Variants in RFTN1 observed in about 807,000 individuals in gnomAD.
RFTN1 encodes raftlin, lipid raft linker 1.
In RFTN1, 26 loss-of-function variants were observed where a neutral mutation model predicts 46.5. The ratio of observed to expected loss-of-function variants is 0.56; its 90% CI spans 0.41 to 0.78. The LOEUF (loss-of-function observed/expected upper bound fraction) is 0.78, where lower values mean the gene tolerates loss of function less well. Among genes scored for constraint, RFTN1 ranks in the 30% least tolerant of loss-of-function variants. The pLI, the probability that RFTN1 is intolerant of heterozygous loss-of-function variation, is 0.00. For synonymous variants in RFTN1, 261 were observed against 284.2 expected (o/e 0.92, Z 0.82); for missense variants, 693 against 718.7 (o/e 0.96, Z 0.41).
chr3:16,354,171 A>G (rs910650000), intron 7 of RFTN1, among the ~76,000 whole-genome samples: 1 of 152,196 alleles, frequency 6.6e-6, no homozygotes, highest in African/African-American at 2.4e-5. Flanking sequence ...CGGAGGGAGG[A>G]AAGTGGACAA....
rs552544000 is a variant in RFTN1, at chr3:16,474,932, T to C, written c.145+18793A>G. Among the ~76,000 whole-genome samples the C allele has an allele frequency of 3.9e-5, 6 of 152,332 alleles. No individual in the cohort carries two copies. Among genetic ancestry groups the C allele is most frequent in the East Asian group, 1.9e-4 (1 of 5,188 alleles). ...AAACCTAGTGATATGGTTTGGATAT[T>C]TGTCCCCTCCAAATCTCATATTGAT... On this transcript the variant is annotated intron_variant, in intron 2 of 9. Coordinates refer to ENST00000334133, the MANE Select transcript of RFTN1 (RefSeq NM_015150.2). This position sits in a 1 kb window ranked among gnomAD's most constrained non-coding sequence, Gnocchi z 5.5.
rs1284757638 is a variant in RFTN1 at position 16,336,828 on chromosome 3, CAGT to C, written c.1147-9955_1147-9953del. 6.6e-6 allele frequency among the ~76,000 whole-genome samples: 1 copy of C among 152,168 alleles called. No homozygotes were observed. The highest frequency in any genetic ancestry group is 1.5e-5 in the Non-Finnish European group (1 of 68,030). ...TACCAGGTAAGAAAGGCAGCAAACT[CAGT>C]AGCCTTTTAGGAGCTCAACGAAATA... On this transcript the variant is annotated intron_variant, in intron 7 of 9. Transcript: ENST00000334133. This position sits in a 1 kb window ranked among gnomAD's most constrained non-coding sequence, Gnocchi z 6.0.
In RFTN1 at chr3:16,448,049, T is replaced by A. The variant is rs540840584; in HGVS notation, c.146-14012A>T. 2.1e-4 allele frequency among the ~76,000 whole-genome samples: 32 copies of A among 151,990 alleles called. No homozygotes were observed. Among genetic ancestry groups the A allele is most frequent in the South Asian group, 6.3e-4 (3 of 4,792 alleles). ...ACCAGCCACATGTGGCTATCGAGCA[T>A]CTGAAATGTGGCCAGTGTGATTGAG... On this transcript the variant is annotated intron_variant, in intron 2 of 9. Transcript: ENST00000334133. The surrounding 1 kb of genome is among the most constrained non-coding windows in gnomAD (Gnocchi z 4.1).
At position 16,422,171 on chromosome 3, in the gene RFTN1, T is replaced by A. The variant is rs1327183626; in HGVS notation, c.332+11680A>T. On this transcript the variant is annotated intron_variant, in intron 3 of 9. Coordinates refer to ENST00000334133, the MANE Select transcript of RFTN1 (RefSeq NM_015150.2). The surrounding 1 kb of genome is among the most constrained non-coding windows in gnomAD (Gnocchi z 4.6). ...GCTCTCAAATAAAATTTACCTCCAA[T>A]AATAATATTGAACATTATGTTCTTG... 6.6e-6 allele frequency among the ~76,000 whole-genome samples: 1 copy of A among 152,228 alleles called. No homozygotes were observed. Among genetic ancestry groups the A allele is most frequent in the Non-Finnish European group, 1.5e-5 (1 of 68,036 alleles).
At position 16,345,699 on chromosome 3, in the gene RFTN1, G is replaced by A. The variant is rs2071609192; in HGVS notation, c.1146+12233C>T. ...TCTCAGGCCTCTGAACCATACCACT[G>A]GCTTTCCTGGGTCTCCAGCTTGCAG... On this transcript the variant is annotated intron_variant, in intron 7 of 9. Transcript: ENST00000334133. This position sits in a 1 kb window ranked among gnomAD's most constrained non-coding sequence, Gnocchi z 5.2. 1.3e-5 allele frequency among the ~76,000 whole-genome samples: 2 copies of A among 151,984 alleles called. No homozygotes were observed. Among genetic ancestry groups the A allele is most frequent in the African/African-American group, 4.8e-5 (2 of 41,342 alleles).
chr3:16,486,700 A>G (rs1050283679), intron 2 of RFTN1, among the ~76,000 whole-genome samples: 1 of 152,194 alleles, frequency 6.6e-6, no homozygotes, highest in Non-Finnish European at 1.5e-5. Flanking sequence ...ATCAGTCTCC[A>G]TTACTCTAGC....
rs765619275 is a variant in RFTN1, at chr3:16,345,788, C to CTGTCTGTGTGTGTGTGTGTGTGTG, written c.1146+12143_1146+12144insCACACACACACACACACACAGACA. Among the ~76,000 whole-genome samples the CTGTCTGTGTGTGTGTGTGTGTGTG allele has an allele frequency of 2.4e-5, 3 of 127,170 alleles. No individual in the cohort carries two copies. Among genetic ancestry groups the CTGTCTGTGTGTGTGTGTGTGTGTG allele is most frequent in the Non-Finnish European group, 3.4e-5 (2 of 58,642 alleles). The allele number at this position is 127,170 out of a possible 152,430, so 83.4% of individuals were successfully genotyped here. On this transcript the variant is annotated intron_variant, in intron 7 of 9. Transcript: ENST00000334133. The surrounding 1 kb of genome is among the most constrained non-coding windows in gnomAD (Gnocchi z 5.2). Reference sequence around the variant, plus strand: ...TGAGCCAAAACCTTATAATAAATCTCTGTGTGTGTGTGTGTGTGTGTGTGT... The same window carrying CTGTCTGTGTGTGTGTGTGTGTGTG: ...TGAGCCAAAACCTTATAATAAATCTCTGTCTGTGTGTGTGTGTGTGTGTGTGTGTGTGTGTGTGTGTGTGTGTGT...
In RFTN1 at chr3:16,509,129, A is replaced by T. The variant is rs1399121387; in HGVS notation, c.-9+4313T>A. Among the ~76,000 whole-genome samples the T allele has an allele frequency of 2.6e-5, 4 of 152,264 alleles. No homozygotes were observed. The highest frequency in any genetic ancestry group is 2.6e-4 in the Admixed American group (4 of 15,290). On this transcript the variant is annotated intron_variant, in intron 1 of 9. Coordinates refer to ENST00000334133, the MANE Select transcript of RFTN1 (RefSeq NM_015150.2). This position sits in a 1 kb window ranked among gnomAD's most constrained non-coding sequence, Gnocchi z 4.9. ...TAATCAACCAATAATATTTTAAATT[A>T]TCATCAAAATTAGTATAAGCCCCTG... is the stretch of plus-strand genomic sequence containing the variant.
At chr3:16,388,059 T>C (rs898796147) in intron 4 of RFTN1, among the ~76,000 whole-genome samples, 1 of 152,234 alleles carries the variant, frequency 6.6e-6, no homozygotes, top group Non-Finnish European at 1.5e-5. Context: ...TTCCCAACCC[T>C]TGCCCTGCCC....
intron 7 of RFTN1, among the ~76,000 whole-genome samples, chr3:16,343,644 A>C (rs991623285): frequency 2.2e-4 from 34 of 152,258 alleles, no homozygotes; most frequent in African/African-American, 8.2e-4. Context: ...ATGTGTTTTC[A>C]TAAATTTGGT....
In RFTN1 at chr3:16,334,187, A is replaced by G. The variant is rs185762482; in HGVS notation, c.1147-7311T>C. ...CTCAAAACAAAAACAAAAACAAAAA[A>G]CAACAACAAAAAATACCCTGAGATA... is the stretch of plus-strand genomic sequence containing the variant. On this transcript the variant is annotated intron_variant, in intron 7 of 9. Coordinates refer to ENST00000334133, the MANE Select transcript of RFTN1 (RefSeq NM_015150.2). The surrounding 1 kb of genome is among the most constrained non-coding windows in gnomAD (Gnocchi z 4.3). 1.1e-3 allele frequency among the ~76,000 whole-genome samples: 162 copies of G among 152,196 alleles called. 4 individuals are homozygous for G. The highest frequency in any genetic ancestry group is 0.011 in the Admixed American group (162 of 15,290).
chr3:16,482,482 C>T (rs1381344548), intron 2 of RFTN1, among the ~76,000 whole-genome samples: 3 of 152,120 alleles, frequency 2.0e-5, no homozygotes, highest in Non-Finnish European at 4.4e-5. Context: ...CACAGCCAAC[C>T]AAATCTCAAA....
At chr3:16,423,651 A>G (rs1431715670) in intron 3 of RFTN1, among the ~76,000 whole-genome samples, 1 of 152,206 alleles carries the variant, frequency 6.6e-6, no homozygotes, top group Admixed American at 6.5e-5. Flanking sequence ...AATAAATGGT[A>G]GCTATGATGG....
rs975512514 is a variant in RFTN1 at position 16,443,140 on chromosome 3, A to C, written c.146-9103T>G. ...TATTTCTATTTTTAATTTTTGATGA[A>C]CCTCCATATTGTTTTCTATAATGGC... is the stretch of plus-strand genomic sequence containing the variant. On this transcript the variant is annotated intron_variant, in intron 2 of 9. Transcript: ENST00000334133. The surrounding 1 kb of genome is among the most constrained non-coding windows in gnomAD (Gnocchi z 5.5). Among the ~76,000 whole-genome samples, 2 of 152,050 alleles carry C rather than the reference A, an allele frequency of 1.3e-5. No homozygotes were observed. Among genetic ancestry groups the C allele is most frequent in the Non-Finnish European group, 2.9e-5 (2 of 68,008 alleles).
In RFTN1 at chr3:16,404,359, TACAC is replaced by T. The variant is rs552532020; in HGVS notation, c.441+5012_441+5015del. Among the ~76,000 whole-genome samples, 3 of 33,664 alleles carry T rather than the reference TACAC, an allele frequency of 8.9e-5. 1 individual carries two copies. Among genetic ancestry groups the T allele is most frequent in the African/African-American group, 2.5e-4 (1 of 4,054 alleles). The allele number at this position is 33,664 out of a possible 152,430, so 22.1% of individuals were successfully genotyped here. A position where few individuals can be genotyped will look rare whatever the true frequency, so the allele number is the denominator to read the frequency against. On this transcript the variant is annotated intron_variant, in intron 4 of 9. Coordinates refer to ENST00000334133, the MANE Select transcript of RFTN1 (RefSeq NM_015150.2). Reference sequence around the variant, plus strand: ...TAATATATATAATATATAATATATATACACAATATATAATATATATAATATATAA... The same window carrying T: ...TAATATATATAATATATAATATATATAATATATAATATATATAATATATAA...
chr3:16,327,469 C>T lies in RFTN1; in HGVS notation c.1147-593G>A, dbSNP rs2069822598. Among the ~76,000 whole-genome samples the T allele has an allele frequency of 6.6e-6, 1 of 152,172 alleles. No individual in the cohort carries two copies. Among genetic ancestry groups the T allele is most frequent in the South Asian group, 2.1e-4 (1 of 4,828 alleles). ...TAACATTTGTCTTTCAGTTAAAAAA[C>T]TCAGCCCCGGCCGGGTGCTGTGGCT... is the stretch of plus-strand genomic sequence containing the variant. On this transcript the variant is annotated intron_variant, in intron 7 of 9. Coordinates refer to ENST00000334133, the MANE Select transcript of RFTN1 (RefSeq NM_015150.2). This position sits in a 1 kb window ranked among gnomAD's most constrained non-coding sequence, Gnocchi z 4.2.
chr3:16,386,839 T>A (rs1222555505), intron 4 of RFTN1, among the ~76,000 whole-genome samples: 3 of 151,784 alleles, frequency 2.0e-5, no homozygotes, highest in African/African-American at 7.3e-5. Flanking sequence ...ATGGGAAAGG[T>A]CATAAGAGCC....
rs772804707 is a variant in RFTN1, at chr3:16,317,887, C to T, written c.1333-655G>A. On this transcript the variant is annotated intron_variant, in intron 9 of 9. Transcript: ENST00000334133. The surrounding 1 kb of genome is among the most constrained non-coding windows in gnomAD (Gnocchi z 4.3). ...ATTTCCTGATCCCAATTTGGGATAA[C>T]GCAAATGCCATCCCAGCTCCAAGCC... 4.6e-5 allele frequency among the ~76,000 whole-genome samples: 7 copies of T among 152,182 alleles called. No homozygotes were observed. The highest frequency in any genetic ancestry group is 8.8e-5 in the Non-Finnish European group (6 of 68,028).
chr3:16,332,309 GCTTT>G (rs1047207655), intron 7 of RFTN1, among the ~76,000 whole-genome samples: 51 of 149,940 alleles, frequency 3.4e-4, no homozygotes, highest in African/African-American at 1.0e-3. Context: ...TTTTAATTTT[GCTTT>G]CTGAGAGATT....
Sources: allele counts gnomAD v4.1 joint callset (sites outside exome capture counted in the v4.1 genomes callset), GRCh38; gene constraint gnomAD v4.1.1; non-coding constraint Gnocchi (gnomAD v3.1); transcripts MANE v1.5; gene names NCBI Gene and HGNC (gene_info 2026-07-23, HGNC 2026-07-21).